INPP4B: variants seen among roughly 807,000 people sequenced by gnomAD.
The protein encoded by INPP4B is inositol polyphosphate-4-phosphatase type II B, also known as inositol polyphosphate 4-phosphatase type II.
INPP4B carries 55 observed loss-of-function variants against 122.5 expected under a neutral mutation model. That is an observed-to-expected ratio of 0.45 (90% confidence interval 0.36 to 0.56). INPP4B has a LOEUF of 0.56. Ranked by LOEUF, INPP4B falls within the 20% of genes least tolerant of loss-of-function variation. The pLI is 0.00. For missense variants in INPP4B, 1,000 were observed against 1,097.7 expected, an observed-to-expected ratio of 0.91 and a Z score of 1.26; for synonymous variants, 403 against 388.7, an observed-to-expected ratio of 1.04 and a Z score of -0.43.
intron 2 of INPP4B, among the ~76,000 whole-genome samples, chr4:142,692,650 A>C (rs115243605): frequency 6.6e-6 from 1 of 152,364 alleles, no homozygotes; most frequent in African/African-American, 2.4e-5. Flanking sequence ...CAAGGTCAAA[A>C]GTGCCTGCTT....
intron 1 of INPP4B, among the ~76,000 whole-genome samples, chr4:142,729,741 A>G (rs1201271066): frequency 1.3e-5 from 2 of 152,128 alleles, no homozygotes; most frequent in Non-Finnish European, 2.9e-5. Flanking sequence ...TACTTCATCC[A>G]CAGTCACTAG....
chr4:142,365,344 G>A lies in INPP4B; in HGVS notation c.372+37594C>T, dbSNP rs144630561. The stretch of plus-strand genomic sequence containing the variant: ...AAATGCAGATGCAAAAATCAACTGA[G>A]ATCACGAAGAAGGAATGGTGAGCTT... On this transcript the variant is annotated intron_variant, in intron 7 of 25. Coordinates refer to ENST00000262992, the MANE Select transcript of INPP4B (RefSeq NM_001101669.3). 3.9e-5 allele frequency among the ~76,000 whole-genome samples: 6 copies of A among 152,208 alleles called. No homozygotes were observed. The East Asian group carries it at 7.8e-4, about 20-fold the overall frequency.
chr4:142,703,534 G>T (rs116455327), intron 2 of INPP4B, among the ~76,000 whole-genome samples: 1,749 of 152,272 alleles, frequency 0.011, 31 homozygotes, highest in African/African-American at 0.032. Context: ...ATTTAGTGAT[G>T]AGTCCAGGGA....
At chr4:142,548,964 T>C (rs1424833487) in intron 2 of INPP4B, among the ~76,000 whole-genome samples, 1 of 152,094 alleles carries the variant, frequency 6.6e-6, no homozygotes, top group African/African-American at 2.4e-5. Flanking sequence ...CCCTCAAAAA[T>C]GGGTACGCTC....
chr4:142,753,035 A>C (rs1480041129), intron 1 of INPP4B, among the ~76,000 whole-genome samples: 1 of 152,114 alleles, frequency 6.6e-6, no homozygotes, highest in Non-Finnish European at 1.5e-5. Context: ...CTCTGTGCAG[A>C]GGAGAGCTCC....
chr4:142,845,097 T>G (rs1376809942), intron 1 of INPP4B, among the ~76,000 whole-genome samples: 1 of 152,134 alleles, frequency 6.6e-6, no homozygotes, highest in Non-Finnish European at 1.5e-5. Flanking sequence ...TAAATTTACA[T>G]CCTTAAAACA....
At chr4:142,260,153 T>G (rs1739121326) in intron 11 of INPP4B, among the ~76,000 whole-genome samples, 1 of 152,140 alleles carries the variant, frequency 6.6e-6, no homozygotes, top group East Asian at 1.9e-4. Flanking sequence ...CCCAGCTAAT[T>G]TTTGGTATTT....
At chr4:142,368,094 A>C (rs968606423) in intron 7 of INPP4B, among the ~76,000 whole-genome samples, 8 of 152,194 alleles carry the variant, frequency 5.3e-5, no homozygotes, top group Admixed American at 2.0e-4. Flanking sequence ...CCAAGATCAA[A>C]TAATAGGAAT....
chr4:142,169,605 A>G (rs1274376006), intron 16 of INPP4B, among the ~76,000 whole-genome samples: 1 of 151,700 alleles, frequency 6.6e-6, no homozygotes, highest in Non-Finnish European at 1.5e-5. Context: ...TGAATATAAG[A>G]GAACATTTTG....
chr4:142,484,608 T>G (rs955239129), intron 2 of INPP4B, among the ~76,000 whole-genome samples: 2 of 152,156 alleles, frequency 1.3e-5, no homozygotes, highest in African/African-American at 4.8e-5. Flanking sequence ...ATTATTTTCT[T>G]TTTACTTTTA....
chr4:142,030,112 G>T, intron 25 of INPP4B: 1 of 1,505,326 alleles, frequency 6.6e-7, no homozygotes, highest in African/African-American at 1.4e-5. Context: ...AAAGAAAAAG[G>T]AATACAACAT....
At chr4:142,340,409 T>TCC (rs1778280352) in intron 7 of INPP4B, among the ~76,000 whole-genome samples, 4 of 71,078 alleles carry the variant, frequency 5.6e-5, no homozygotes, top group Non-Finnish European at 1.4e-4. Flanking sequence ...TTCTTTTTTT[T>TCC]CTCTTTAAAA....
chr4:142,660,444 T>C (rs745745247), intron 2 of INPP4B, among the ~76,000 whole-genome samples: 1 of 152,048 alleles, frequency 6.6e-6, no homozygotes, highest in East Asian at 2.0e-4. Context: ...AAAGGCATCT[T>C]CTTTTTATTC....
intron 2 of INPP4B, among the ~76,000 whole-genome samples, chr4:142,478,801 T>C (rs914111369): frequency 2.0e-5 from 3 of 152,180 alleles, no homozygotes; most frequent in Non-Finnish European, 4.4e-5. Flanking sequence ...ACTGGCCTCA[T>C]AGAATGAGCT....
At chr4:142,347,742 A>AT (rs1780727104) in intron 7 of INPP4B, among the ~76,000 whole-genome samples, 1 of 151,990 alleles carries the variant, frequency 6.6e-6, no homozygotes, top group African/African-American at 2.4e-5. Flanking sequence ...AAAAGCATTC[A>AT]TGAGATAGAG....
chr4:142,356,623 G>A (rs952182688), intron 7 of INPP4B, among the ~76,000 whole-genome samples: 6 of 151,958 alleles, frequency 3.9e-5, no homozygotes, highest in African/African-American at 1.4e-4. Flanking sequence ...TCCTGGCACA[G>A]AACCCTAAAA....
chr4:142,413,532 G>A (rs1805044831), intron 5 of INPP4B, among the ~76,000 whole-genome samples: 1 of 151,966 alleles, frequency 6.6e-6, no homozygotes, highest in Admixed American at 6.6e-5. Flanking sequence ...CATATTTTAG[G>A]GTTTTTATTA....
intron 2 of INPP4B, among the ~76,000 whole-genome samples, chr4:142,610,616 C>T (rs1191735536): frequency 6.6e-6 from 1 of 152,068 alleles, no homozygotes; most frequent in Non-Finnish European, 1.5e-5. Flanking sequence ...ATGTTTATAG[C>T]TATACTCCTA....
intron 25 of INPP4B, chr4:142,029,303 C>A: frequency 1.0e-6 from 1 of 985,762 alleles, no homozygotes; most frequent in Non-Finnish European, 1.2e-6. Flanking sequence ...GATGCAGGTT[C>A]TAGAAATAAG....
Sources: gnomAD v4.1 joint callset for allele counts (sites outside exome capture counted in the v4.1 genomes callset) on GRCh38, gnomAD v4.1.1 for gene constraint, MANE v1.5 for transcripts, NCBI Gene and HGNC (gene_info 2026-07-23, HGNC 2026-07-21) for gene names.